MAP4: variants seen among roughly 807,000 people sequenced by gnomAD.
MAP4 encodes the protein microtubule associated protein 4.
In MAP4, 76 loss-of-function variants were observed where a neutral mutation model predicts 170.2. The observed-to-expected ratio is 0.45, with a 90% confidence interval of 0.37 to 0.54. MAP4 has a LOEUF of 0.54. MAP4 is among the 20% of genes least tolerant of loss of function. The pLI is 0.00. For missense variants in MAP4, 2,506 were observed against 2,748.0 expected, an observed-to-expected ratio of 0.91 and a Z score of 1.97; for synonymous variants, 909 against 994.5, an observed-to-expected ratio of 0.91 and a Z score of 1.62.
At chr3:47,859,477 C>A (rs2062168025) in intron 17 of MAP4, among the ~76,000 whole-genome samples, 1 of 152,246 alleles carries the variant, frequency 6.6e-6, no homozygotes, top group Non-Finnish European at 1.5e-5. Context: ...CAATCCCCAG[C>A]TTGCCAGAGC....
intron 5 of MAP4, among the ~76,000 whole-genome samples, chr3:47,920,318 G>T (rs1378082954): frequency 3.9e-5 from 6 of 152,082 alleles, no homozygotes; most frequent in African/African-American, 1.4e-4. Context: ...TGTTGGCCAG[G>T]CTGGTCTCAA....
intron 3 of MAP4, among the ~76,000 whole-genome samples, chr3:47,952,327 G>A (rs1387094796): frequency 6.6e-6 from 1 of 152,020 alleles, no homozygotes; most frequent in Non-Finnish European, 1.5e-5. Context: ...CCTCTGCCCG[G>A]CCGCCCCTAC....
At chr3:47,956,417 A>T (rs1035235386) in intron 3 of MAP4, among the ~76,000 whole-genome samples, 2 of 152,224 alleles carry the variant, frequency 1.3e-5, no homozygotes, top group Non-Finnish European at 2.9e-5. Flanking sequence ...GCCCCATTTA[A>T]AGAGGTAGGA....
intron 1 of MAP4, among the ~76,000 whole-genome samples, chr3:48,002,067 G>A (rs543310323): frequency 6.6e-6 from 1 of 152,040 alleles, no homozygotes; most frequent in African/African-American, 2.4e-5. Context: ...AGATGTGGTG[G>A]CATGCACCTG....
chr3:47,927,900 C>T (rs1207404401), intron 4 of MAP4, among the ~76,000 whole-genome samples: 1 of 152,174 alleles, frequency 6.6e-6, no homozygotes, highest in African/African-American at 2.4e-5. Flanking sequence ...AGCACTGTGC[C>T]TGGCACAGAA....
chr3:48,017,587 T>C (rs1396273174), upstream of MAP4, among the ~76,000 whole-genome samples: 1 of 151,904 alleles, frequency 6.6e-6, no homozygotes, highest in African/African-American at 2.4e-5. Flanking sequence ...GCTTTCCATG[T>C]AGGGTCTCCC....
chr3:48,038,441 A>G (rs1399013987), intron 1 of MAP4, among the ~76,000 whole-genome samples: 1 of 148,690 alleles, frequency 6.7e-6, no homozygotes, highest in Non-Finnish European at 1.5e-5. Flanking sequence ...CATCCATACT[A>G]TGTACAATGC....
At chr3:47,913,021 A>T (rs554697339) in intron 8 of MAP4, among the ~76,000 whole-genome samples, 1 of 152,354 alleles carries the variant, frequency 6.6e-6, no homozygotes, top group South Asian at 2.1e-4. Context: ...AATTCTCATG[A>T]TTCCAGAACC....
intron 15 of MAP4, 36 bp downstream of exon 15, chr3:47,870,777 G>C: frequency 6.6e-7 from 1 of 1,512,114 alleles, no homozygotes; most frequent in Non-Finnish European, 8.9e-7. Flanking sequence ...AGATGCAGGG[G>C]CCAGCATGCC....
At chr3:47,891,217 C>T in intron 10 of MAP4, 1 of 1,536,186 alleles carries the variant, frequency 6.5e-7, no homozygotes. Context: ...CAGGAATCTG[C>T]TCCAGCTTAC....
At chr3:47,967,746 G>A (rs1284940405) in intron 3 of MAP4, among the ~76,000 whole-genome samples, 1 of 152,202 alleles carries the variant, frequency 6.6e-6, no homozygotes, top group African/African-American at 2.4e-5. Context: ...AAGAACACTT[G>A]AAGCAAAGAG....
intron 1 of MAP4, among the ~76,000 whole-genome samples, chr3:48,001,980 G>A (rs1381985850): frequency 6.6e-6 from 1 of 152,124 alleles, no homozygotes; most frequent in East Asian, 1.9e-4. Context: ...AGGTTCATGC[G>A]ACTCTGTCAT....
chr3:48,002,185 G>T (rs576743743), intron 1 of MAP4, among the ~76,000 whole-genome samples: 2 of 150,888 alleles, frequency 1.3e-5, no homozygotes, highest in South Asian at 4.2e-4. Context: ...TCCAGGTGTG[G>T]AGCCACGATT....
chr3:48,016,119 GC>G (rs2100107674), intron 1 of MAP4, among the ~76,000 whole-genome samples: 1 of 152,150 alleles, frequency 6.6e-6, no homozygotes, highest in African/African-American at 2.4e-5. Context: ...AATAGCTGAG[GC>G]CATCACACAG....
chr3:47,982,177 A>G (rs1186363694), intron 2 of MAP4, among the ~76,000 whole-genome samples: 4 of 152,210 alleles, frequency 2.6e-5, no homozygotes, highest in Admixed American at 1.3e-4. Context: ...TAAAAAAAAC[A>G]TAATACATGC....
At chr3:47,958,045 T>G (rs1405724589) in intron 3 of MAP4, among the ~76,000 whole-genome samples, 1 of 152,204 alleles carries the variant, frequency 6.6e-6, no homozygotes, top group African/African-American at 2.4e-5. Context: ...AAGATGAGAC[T>G]GCCACTTGGC....
intron 1 of MAP4, among the ~76,000 whole-genome samples, chr3:48,036,468 C>T (rs929387539): frequency 6.6e-6 from 1 of 152,116 alleles, no homozygotes; most frequent in African/African-American, 2.4e-5. Flanking sequence ...AGTTGTTATT[C>T]ATCATTTATC....
chr3:47,966,228 CTTTTTTTTTTTTTTTTTTTTTTT>C (rs757460367), intron 3 of MAP4, among the ~76,000 whole-genome samples: 1 of 50,262 alleles, frequency 2.0e-5, no homozygotes, highest in Non-Finnish European at 3.6e-5. Flanking sequence ...CCCACACTAC[CTTTTTTTTTTTTTTTTTTTTTTT>C]TTTTTTTTTT....
intron 2 of MAP4, among the ~76,000 whole-genome samples, chr3:47,990,873 C>T (rs946821768): frequency 1.8e-4 from 27 of 151,800 alleles, no homozygotes; most frequent in African/African-American, 6.5e-4. Context: ...TGGTGCAAAA[C>T]AAGTAGTACA....
Sources: gnomAD v4.1 joint callset for allele counts (sites outside exome capture counted in the v4.1 genomes callset) on GRCh38, gnomAD v4.1.1 for gene constraint, MANE v1.5 for transcripts, NCBI Gene and HGNC (gene_info 2026-07-23, HGNC 2026-07-21) for gene names.